The following FRMD5 variants were observed in gnomAD, a reference collection of about 807,000 sequenced individuals.
The protein encoded by FRMD5 is FERM domain-containing protein 5.
In FRMD5, 20 loss-of-function variants were observed where a neutral mutation model predicts 69.0. The observed-to-expected ratio is 0.29, with a 90% confidence interval of 0.20 to 0.42. The LOEUF is 0.42. Among genes scored for constraint, FRMD5 ranks in the 10% least tolerant of loss-of-function variants. The pLI is 1.00. For missense variants in FRMD5, 595 were observed against 708.6 expected (o/e 0.84, Z 1.82); for synonymous variants, 271 against 260.1 (o/e 1.04, Z -0.40).
chr15:43,938,182 G>A (rs1391454492), intron 1 of FRMD5, among the ~76,000 whole-genome samples: 1 of 140,428 alleles, frequency 7.1e-6, no homozygotes, highest in South Asian at 2.2e-4. Context: ...AGTGAGCCGA[G>A]ATCGCGCCAC....
intron 1 of FRMD5, among the ~76,000 whole-genome samples, chr15:43,964,479 TCAAACAAA>T (rs994658709): frequency 6.8e-6 from 1 of 146,748 alleles, no homozygotes; most frequent in East Asian, 1.9e-4. Context: ...AGACCCTGTT[TCAAACAAA>T]CAAACAAACA....
At chr15:44,111,235 C>A (rs1025277199) in intron 1 of FRMD5, among the ~76,000 whole-genome samples, 1 of 152,164 alleles carries the variant, frequency 6.6e-6, no homozygotes, top group Non-Finnish European at 1.5e-5. Flanking sequence ...CCATCTGCAA[C>A]AGGGACAGTG....
chr15:44,150,205 A>G (rs1374790320), intron 1 of FRMD5, among the ~76,000 whole-genome samples: 1 of 152,230 alleles, frequency 6.6e-6, no homozygotes, highest in Non-Finnish European at 1.5e-5. Flanking sequence ...TATCATACTC[A>G]ATAGTGAAAG....
intron 7 of FRMD5, among the ~76,000 whole-genome samples, chr15:43,893,544 G>A (rs2088844875): frequency 6.6e-6 from 1 of 152,242 alleles, no homozygotes; most frequent in African/African-American, 2.4e-5. Flanking sequence ...CCGTCAGGCT[G>A]CATGAATGGT....
chr15:44,192,751 G>A (rs148002222), intron 1 of FRMD5, among the ~76,000 whole-genome samples: 48 of 152,166 alleles, frequency 3.2e-4, no homozygotes, highest in African/African-American at 1.1e-3. Context: ...AAAGCAATTC[G>A]CCAAAGTGAT....
At chr15:44,059,862 G>C (rs960044195) in intron 1 of FRMD5, among the ~76,000 whole-genome samples, 3 of 152,132 alleles carry the variant, frequency 2.0e-5, no homozygotes, top group Admixed American at 2.0e-4. Flanking sequence ...TTTATATAGA[G>C]ACAGGTTTCT....
At chr15:43,957,887 C>G in intron 1 of FRMD5, among the ~76,000 whole-genome samples, 1 of 152,194 alleles carries the variant, frequency 6.6e-6, no homozygotes, top group East Asian at 1.9e-4. Flanking sequence ...ACTCTTCCTC[C>G]TTAACACACA....
intron 1 of FRMD5, among the ~76,000 whole-genome samples, chr15:44,099,000 C>T (rs1312219188): frequency 6.6e-5 from 10 of 152,252 alleles, no homozygotes; most frequent in South Asian, 4.2e-4. Flanking sequence ...ATCAAAAACA[C>T]GACAACATTA....
At chr15:44,074,742 G>A (rs1464050067) in intron 1 of FRMD5, among the ~76,000 whole-genome samples, 2 of 152,142 alleles carry the variant, frequency 1.3e-5, no homozygotes, top group Admixed American at 6.5e-5. Context: ...AAGGGGATGA[G>A]GTACCTTCTA....
intron 1 of FRMD5, among the ~76,000 whole-genome samples, chr15:44,134,989 A>C (rs1445259088): frequency 6.6e-6 from 1 of 152,226 alleles, no homozygotes; most frequent in African/African-American, 2.4e-5. Flanking sequence ...TCTGACTCAT[A>C]CTTTGAAAGT....
intron 1 of FRMD5, among the ~76,000 whole-genome samples, chr15:43,999,947 GCCAT>G (rs1268277524): frequency 1.0e-5 from 1 of 97,882 alleles, no homozygotes; most frequent in Non-Finnish European, 1.9e-5. Context: ...ATATATATAT[GCCAT>G]GCATATATAT....
chr15:43,881,230 G>A (rs1173825947), intron 13 of FRMD5, among the ~76,000 whole-genome samples: 1 of 152,170 alleles, frequency 6.6e-6, no homozygotes, highest in African/African-American at 2.4e-5. Flanking sequence ...GGATGGGGAT[G>A]GACCCTCTAG....
chr15:44,149,411 G>C (rs978304195), intron 1 of FRMD5, among the ~76,000 whole-genome samples: 1 of 151,974 alleles, frequency 6.6e-6, no homozygotes, highest in African/African-American at 2.4e-5. Flanking sequence ...TGACAAAAGT[G>C]CTTCCTCATC....
At chr15:44,057,137 ATT>A (rs57462426) in intron 1 of FRMD5, among the ~76,000 whole-genome samples, 119,900 of 147,018 alleles carry the variant, frequency 0.82, 51,505 homozygotes, top group Non-Finnish European at 0.95. Flanking sequence ...GAACTGTTCT[ATT>A]TTTTTTTTTT....
intron 1 of FRMD5, among the ~76,000 whole-genome samples, chr15:44,047,759 A>C (rs769860677): frequency 6.6e-6 from 1 of 152,086 alleles, no homozygotes; most frequent in Non-Finnish European, 1.5e-5. Flanking sequence ...GCAACTACTA[A>C]TCTATTTTTT....
intron 1 of FRMD5, among the ~76,000 whole-genome samples, chr15:44,021,407 T>C (rs1458005977): frequency 6.6e-6 from 1 of 152,196 alleles, no homozygotes; most frequent in African/African-American, 2.4e-5. Flanking sequence ...ATATAGCTGA[T>C]AAGGGATTAA....
intron 10 of FRMD5, among the ~76,000 whole-genome samples, chr15:43,886,949 G>A (rs918348409): frequency 1.3e-5 from 2 of 151,630 alleles, no homozygotes; most frequent in Non-Finnish European, 2.9e-5. Flanking sequence ...CAGTGTGGGT[G>A]CAGGCAGGGC....
chr15:44,116,602 C>T (rs1048518405), intron 1 of FRMD5, among the ~76,000 whole-genome samples: 2 of 152,050 alleles, frequency 1.3e-5, no homozygotes, highest in African/African-American at 2.4e-5. Context: ...AACAAGGAAC[C>T]GGTTGTCTGC....
At chr15:44,179,322 T>C (rs1360300049) in intron 1 of FRMD5, among the ~76,000 whole-genome samples, 7 of 152,244 alleles carry the variant, frequency 4.6e-5, no homozygotes, top group African/African-American at 1.7e-4. Context: ...GCCTTCCAAA[T>C]AGTTTCTAAT....
Sources: gnomAD v4.1 joint callset for allele counts (sites outside exome capture counted in the v4.1 genomes callset) on GRCh38, gnomAD v4.1.1 for gene constraint, MANE v1.5 for transcripts, NCBI Gene and HGNC (gene_info 2026-07-23, HGNC 2026-07-21) for gene names.